KIF4A: variants seen among roughly 807,000 people sequenced by gnomAD.
KIF4A encodes the protein kinesin family member 4A.
In KIF4A, 7 loss-of-function variants were observed where a neutral mutation model predicts 105.9. That is an observed-to-expected ratio of 0.07 (90% CI 0.04 to 0.12). The LOEUF is 0.12. Among genes scored for constraint, KIF4A ranks in the 10% least tolerant of loss-of-function variants. KIF4A has a pLI of 1.00. For synonymous variants in KIF4A, 281 were observed against 331.3 expected (o/e 0.85, Z 1.65); for missense variants, 558 against 929.2 (o/e 0.60, Z 5.19).
intron 28 of KIF4A, among the ~76,000 whole-genome samples, chrX:70,416,593 C>A (rs1479225607): frequency 9.0e-6 from 1 of 110,960 alleles, no homozygotes; most frequent in Admixed American, 9.6e-5. Flanking sequence ...GCCTTGACCT[C>A]CCAAAGTGCT....
intron 15 of KIF4A, among the ~76,000 whole-genome samples, chrX:70,360,498 G>A (rs1342461879): frequency 1.8e-5 from 2 of 113,079 alleles, no homozygotes; most frequent in Admixed American, 9.3e-5. Flanking sequence ...GCTCAGCCAC[G>A]TGGGTGGTCC....
intron 28 of KIF4A, among the ~76,000 whole-genome samples, chrX:70,412,172 A>G: frequency 8.9e-6 from 1 of 111,960 alleles, no homozygotes; most frequent in Non-Finnish European, 1.9e-5. Flanking sequence ...TGACTGTGCT[A>G]TAATACCACT....
chrX:70,361,601 A>G (rs1457811924), intron 15 of KIF4A: 5 of 166,739 alleles, frequency 3.0e-5, no homozygotes, highest in South Asian at 1.4e-4. Context: ...CACCATGACA[A>G]ACTTCACCTT....
intron 5 of KIF4A, among the ~76,000 whole-genome samples, chrX:70,301,673 A>C (rs183773605): frequency 8.9e-6 from 1 of 111,901 alleles, no homozygotes; most frequent in Non-Finnish European, 1.9e-5. Context: ...TTCTAGCTCC[A>C]GTATTAGCTG....
intron 22 of KIF4A, among the ~76,000 whole-genome samples, chrX:70,400,022 CTT>C (rs754693441): frequency 1.1e-4 from 11 of 97,981 alleles, no homozygotes; most frequent in Non-Finnish European, 1.9e-4. Flanking sequence ...GCAACTAACT[CTT>C]TTTTTTTTTT....
chrX:70,320,486 T>G (rs1179990629), intron 7 of KIF4A, among the ~76,000 whole-genome samples: 1 of 112,313 alleles, frequency 8.9e-6, no homozygotes, highest in African/African-American at 3.2e-5. Flanking sequence ...GGAATACTAT[T>G]GGGCCATAAA....
intron 5 of KIF4A, among the ~76,000 whole-genome samples, chrX:70,301,273 A>G (rs968873119): frequency 4.5e-5 from 5 of 111,772 alleles, no homozygotes; most frequent in Middle Eastern, 4.6e-3. Flanking sequence ...AGGGCCACAG[A>G]AGTAAGTTTG....
rs2085786683 is a variant in KIF4A, at chrX:70,297,210, A to G, written c.426+22A>G. The G allele has an allele frequency of 6.1e-6, 7 of 1,155,889 alleles. No individual in the cohort carries two copies. The East Asian group carries it at 2.1e-4, about 35-fold the overall frequency. ...AGAGGTAAGCAATTTATGTTTAATT[A>G]TTCTGAATTCGAAATTGTCTTTGGG... On this transcript the variant is annotated intron_variant, in intron 4 of 30. Coordinates refer to ENST00000374403, the MANE Select transcript of KIF4A (RefSeq NM_012310.5).
chrX:70,310,480 C>T (rs1423796870), intron 7 of KIF4A, among the ~76,000 whole-genome samples: 7 of 111,078 alleles, frequency 6.3e-5, no homozygotes, highest in Non-Finnish European at 9.4e-5. Context: ...TTTCTATTCT[C>T]GTATTGTTGA....
At chrX:70,368,754 G>A (rs958555365) in intron 15 of KIF4A, among the ~76,000 whole-genome samples, 2 of 112,187 alleles carry the variant, frequency 1.8e-5, no homozygotes, top group African/African-American at 6.5e-5. Flanking sequence ...TGTGCTGGGA[G>A]AACCACTAGT....
chrX:70,300,282 C>G (rs1288249924), intron 5 of KIF4A, among the ~76,000 whole-genome samples: 1 of 111,236 alleles, frequency 9.0e-6, no homozygotes, highest in Non-Finnish European at 1.9e-5. Flanking sequence ...GATAAGAAAC[C>G]TGGACAAAAT....
chrX:70,310,321 G>GTA (rs1448940054), intron 7 of KIF4A, among the ~76,000 whole-genome samples: 1 of 101,456 alleles, frequency 9.9e-6, no homozygotes, highest in African/African-American at 4.1e-5. Flanking sequence ...TTGTGTGTGT[G>GTA]TGTGTGTGTG....
Position 70,299,181 on chromosome X carries a change from G to A in KIF4A, c.495G>A (p.Glu165=). 1 of 1,203,523 alleles carries A rather than the reference G, an allele frequency of 8.3e-7. No individual in the cohort carries two copies. Among genetic ancestry groups the A allele is most frequent in the South Asian group, 1.8e-5 (1 of 55,252 alleles). The stretch of plus-strand genomic sequence containing the variant: ...AGAAAGCTCAAATAAATATACGAGA[G>A]GATCCTAAGGAAGGCATAAAGGTGT... ...SREKAQINIR[E]DPKEGIKIVG... The change falls in exon 5 of 31, where the codon GAG becomes GAA. Residue 165 remains glutamate (E), a synonymous_variant. Coordinates refer to ENST00000374403, the MANE Select transcript of KIF4A (RefSeq NM_012310.5).
chrX:70,361,805 A>T lies in KIF4A; in HGVS notation c.1674+7998A>T, dbSNP rs776641467. On this transcript the variant is annotated intron_variant, in intron 15 of 30. Coordinates refer to ENST00000374403, the MANE Select transcript of KIF4A (RefSeq NM_012310.5). The stretch of plus-strand genomic sequence containing the variant: ...GTCCTGCAGTGACCATACTGGGTGC[A>T]TGCCTACATACTTCACTGGGATGAC... Among the ~76,000 whole-genome samples, 136 of 112,094 alleles carry T rather than the reference A, an allele frequency of 1.2e-3. 1 individual carries two copies. The highest frequency in any genetic ancestry group is 2.0e-3 in the Non-Finnish European group (105 of 53,177).
intron 7 of KIF4A, among the ~76,000 whole-genome samples, chrX:70,326,989 C>T (rs2085913481): frequency 8.9e-6 from 1 of 111,997 alleles, no homozygotes; most frequent in Admixed American, 9.5e-5. Flanking sequence ...TTTTGTTTTG[C>T]TCCTATATGA....
chrX:70,292,213 G>A lies in KIF4A; in HGVS notation c.235+1408G>A, dbSNP rs181969755. Among the ~76,000 whole-genome samples, 303 of 111,836 alleles carry A rather than the reference G, an allele frequency of 2.7e-3. 1 individual carries two copies. The highest frequency in any genetic ancestry group is 9.4e-3 in the African/African-American group (289 of 30,845). On this transcript the variant is annotated intron_variant, in intron 3 of 30. Transcript: ENST00000374403. ...CCATCAAAACAATAAAATTTGCACT[G>A]CTACATTACTACCATCTATTCCTGA...
chrX:70,307,856 G>T (rs2085833485), intron 7 of KIF4A, among the ~76,000 whole-genome samples: 1 of 112,070 alleles, frequency 8.9e-6, no homozygotes, highest in African/African-American at 3.2e-5. Flanking sequence ...CATCACAGAA[G>T]TGTCTTCTCT....
At chrX:70,374,456 C>T (rs1173216832) in intron 16 of KIF4A, among the ~76,000 whole-genome samples, 1 of 111,950 alleles carries the variant, frequency 8.9e-6, no homozygotes, top group Non-Finnish European at 1.9e-5. Flanking sequence ...TGTCATAACA[C>T]AGCACATGAT....
intron 15 of KIF4A, among the ~76,000 whole-genome samples, chrX:70,370,552 A>C (rs1051386760): frequency 2.7e-5 from 3 of 109,259 alleles, no homozygotes; most frequent in African/African-American, 6.6e-5. Flanking sequence ...CTGTATGTAT[A>C]GAATATAGAA....
Sources: gnomAD v4.1 joint callset for allele counts (sites outside exome capture counted in the v4.1 genomes callset) on GRCh38, gnomAD v4.1.1 for gene constraint, MANE v1.5 for transcripts, NCBI Gene and HGNC (gene_info 2026-07-23, HGNC 2026-07-21) for gene names.